HERC2: variants seen among roughly 807,000 people sequenced by gnomAD.
The protein encoded by HERC2 is E3 ubiquitin-protein ligase HERC2.
HERC2 carries 102 observed loss-of-function variants against 537.7 expected under a neutral mutation model. That is an observed-to-expected ratio of 0.19 (90% CI 0.16 to 0.22). The LOEUF (loss-of-function observed/expected upper bound fraction) is 0.22. Ranked by LOEUF, HERC2 falls within the 10% of genes least tolerant of loss-of-function variation. The pLI, the probability that HERC2 is intolerant of heterozygous loss-of-function variation, is 1.00. For synonymous variants in HERC2, 2,224 were observed against 2,466.2 expected (o/e 0.90, Z 2.91); for missense variants, 4,236 against 6,198.2 (o/e 0.68, Z 10.63).
At chr15:28,182,286 A>T in intron 57 of HERC2, 115 bp downstream of exon 57, 1 of 608,906 alleles carries the variant, frequency 1.6e-6, no homozygotes, top group Non-Finnish European at 2.9e-6. Context: ...AATGTCTTTT[A>T]GTTCGTGTAA....
intron 23 of HERC2, among the ~76,000 whole-genome samples, chr15:28,242,987 T>G (rs912596102): frequency 3.9e-5 from 6 of 152,140 alleles, no homozygotes; most frequent in Non-Finnish European, 5.9e-5. Context: ...TCTCTGCTAC[T>G]AAGAAAAAGG....
chr15:28,191,297 T>A, intron 53 of HERC2, 53 bp from the exon 54 acceptor site: 1 of 1,124,424 alleles, frequency 8.9e-7, no homozygotes, highest in Non-Finnish European at 1.3e-6. Flanking sequence ...CAGCTATATT[T>A]TAGCTACTAC....
intron 12 of HERC2, among the ~76,000 whole-genome samples, chr15:28,266,635 A>G (rs1463909583): frequency 1.3e-5 from 2 of 152,248 alleles, no homozygotes; most frequent in African/African-American, 4.8e-5. Flanking sequence ...GCTGGATCTC[A>G]AGACATCTGC....
At chr15:28,299,951 G>A (rs1253242694) in intron 2 of HERC2, among the ~76,000 whole-genome samples, 1 of 151,560 alleles carries the variant, frequency 6.6e-6, no homozygotes, top group Non-Finnish European at 1.5e-5. Flanking sequence ...TACTCACGAA[G>A]CTGAGGCAGG....
chr15:28,305,873 T>C (rs1319660021), intron 2 of HERC2, among the ~76,000 whole-genome samples: 2 of 151,784 alleles, frequency 1.3e-5, no homozygotes, highest in Non-Finnish European at 2.9e-5. Flanking sequence ...GCGAAGGACA[T>C]GAACAGACAC....
At chr15:28,280,030 T>A (rs1258282360) in intron 5 of HERC2, 38 bp downstream of exon 5, 1 of 1,489,006 alleles carries the variant, frequency 6.7e-7, no homozygotes, top group African/African-American at 1.4e-5. Flanking sequence ...ATTTTATATT[T>A]AACTGGCATC....
Position 28,180,891 on chromosome 15 carries a change from G to C in HERC2, c.8937+1510C>G, listed in dbSNP as rs1895757904. ...TACAGTATTTGGGAGGGTGTACATA[G>C]GTTATATGCAAACACTACACTGTTT... is the stretch of plus-strand genomic sequence containing the variant. On this transcript the variant is annotated intron_variant, in intron 57 of 92. Coordinates refer to ENST00000261609, the MANE Select transcript of HERC2 (RefSeq NM_004667.6). Among the ~76,000 whole-genome samples, 4 of 152,254 alleles carry C rather than the reference G, an allele frequency of 2.6e-5. No homozygotes were observed. The South Asian group carries it at 8.3e-4, about 32-fold the overall frequency.
At chr15:28,198,280 T>C (rs1897542789) in intron 50 of HERC2, 98 bp downstream of exon 50, 1 of 1,361,700 alleles carries the variant, frequency 7.3e-7, no homozygotes, top group East Asian at 2.3e-5. Context: ...CTTCAACACT[T>C]GTTTTCTGTT....
At chr15:28,145,076 C>A (rs1891600114) in intron 71 of HERC2, among the ~76,000 whole-genome samples, 1 of 152,248 alleles carries the variant, frequency 6.6e-6, no homozygotes, top group African/African-American at 2.4e-5. Context: ...CAGAAGCCAC[C>A]ACCCAGTGGG....
In HERC2 at chr15:28,246,896, A is replaced by G. The variant is rs767857460; in HGVS notation, c.3237T>C (p.Ser1079=). Reference sequence around the variant, plus strand: ...AGGAACCAACACCCATTAGCTCTGGACCTTGAAGAAGGATTGAGAAATTTT... The same window carrying G: ...AGGAACCAACACCCATTAGCTCTGGGCCTTGAAGAAGGATTGAGAAATTTT... ...ESIGQTSDIS[S]PELMGVGSLL... The change falls in exon 22 of 93, where the codon AGT becomes AGC. Residue 1079 remains serine (S), a splice_region_variant and synonymous_variant. Transcript: ENST00000261609. 1.9e-6 allele frequency: 3 copies of G among 1,594,846 alleles called. No individual in the cohort carries two copies. Among genetic ancestry groups the G allele is most frequent in the Middle Eastern group, 1.7e-4 (1 of 6,016 alleles).
intron 2 of HERC2, among the ~76,000 whole-genome samples, chr15:28,301,762 T>TAC: frequency 8.5e-6 from 1 of 117,652 alleles, no homozygotes; most frequent in African/African-American, 3.6e-5. Context: ...TATATATATA[T>TAC]ATATATATAT....
In HERC2 at chr15:28,142,303, T is replaced by G; in HGVS notation, c.11635A>C (p.Met3879Leu). 1 of 1,614,186 alleles carries G rather than the reference T, an allele frequency of 6.2e-7. No homozygotes were observed. Among genetic ancestry groups the G allele is most frequent in the Non-Finnish European group, 8.5e-7 (1 of 1,180,026 alleles). ...HKWAWFRRYC[M>L]ASRVAVALDK... ...AGGGCCACAGCAACACGGGAGGCCA[T>G]GCAGTACCTCCGGAACCAGGCCCAC... Residue 3879 changes from methionine (M) to leucine (L), a missense_variant, in exon 76 of 93, where the codon ATG becomes CTG. By Grantham distance (15) the Met-to-Leu change is conservative. Around this residue, in one of 27 missense-constraint regions of HERC2, gnomAD observed 156 missense variants for 172.3 expected, o/e 0.91. Transcript: ENST00000261609.
intron 23 of HERC2, among the ~76,000 whole-genome samples, chr15:28,241,768 C>T (rs186843024): frequency 3.0e-4 from 46 of 151,650 alleles, no homozygotes; most frequent in Middle Eastern, 3.4e-3. Context: ...TGCAGTGAGC[C>T]GAGATCACAC....
At chr15:28,248,785 A>G (rs1195530621) in intron 20 of HERC2, 49 bp from the exon 21 acceptor site, 3 of 1,462,470 alleles carry the variant, frequency 2.1e-6, no homozygotes, top group East Asian at 2.3e-5. Context: ...TATTTCTACT[A>G]AAAAGAAAAT....
At chr15:28,315,622 A>T (rs967698923) in intron 2 of HERC2, 1 of 535,810 alleles carries the variant, frequency 1.9e-6, no homozygotes, top group African/African-American at 1.8e-5. Flanking sequence ...GTGAAACCCC[A>T]TCTCTACTAA....
chr15:28,250,017 G>A (rs1212044807), intron 20 of HERC2, among the ~76,000 whole-genome samples: 1 of 152,086 alleles, frequency 6.6e-6, no homozygotes, highest in South Asian at 2.1e-4. Context: ...AACACGGAGG[G>A]GAGGAGAGCC....
chr15:28,258,773 G>A (rs2075337716), intron 16 of HERC2, among the ~76,000 whole-genome samples: 1 of 151,606 alleles, frequency 6.6e-6, no homozygotes, highest in African/African-American at 2.4e-5. Context: ...AAAACAAAAG[G>A]GAAAAATTAA....
At chr15:28,248,357 C>G (rs1903925909) in intron 21 of HERC2, among the ~76,000 whole-genome samples, 195 bp downstream of exon 21, 1 of 152,010 alleles carries the variant, frequency 6.6e-6, no homozygotes, top group South Asian at 2.1e-4. Flanking sequence ...ATTAAGGCAA[C>G]AAAATTAAAA....
At chr15:28,267,921 A>AT (rs1448853205) in intron 12 of HERC2, among the ~76,000 whole-genome samples, 1 of 152,256 alleles carries the variant, frequency 6.6e-6, no homozygotes, top group East Asian at 1.9e-4. Flanking sequence ...CATGCACAAC[A>AT]GCAAAGTACA....
Sources: allele counts gnomAD v4.1 joint callset (sites outside exome capture counted in the v4.1 genomes callset), GRCh38; gene constraint gnomAD v4.1.1; regional missense constraint gnomAD v4.1.1; transcripts MANE v1.5; gene names NCBI Gene and HGNC (gene_info 2026-07-23, HGNC 2026-07-21).